Variants in DTD2 observed in about 807,000 individuals in gnomAD.
DTD2 encodes D-aminoacyl-tRNA deacylase 2.
In DTD2, 12 loss-of-function variants were observed where a neutral mutation model predicts 15.5. The observed-to-expected ratio is 0.77, with a 90% CI of 0.50 to 1.25. The LOEUF is 1.25. Ranked by LOEUF, DTD2 falls within the 50% of genes most tolerant of loss-of-function variation. The pLI, the probability that DTD2 is intolerant of heterozygous loss-of-function variation, is 0.00. For synonymous variants in DTD2, 59 were observed against 77.3 expected (o/e 0.76, Z 1.24); for missense variants, 170 against 201.1 (o/e 0.85, Z 0.93).
chr14:31,457,441 T>G lies in DTD2; in HGVS notation c.-48A>C, dbSNP rs2032112163. ...GGACAGTTACTAGGCCATGTGTCGC[T>G]GGCCCCTCCCTCGACGCGCTGGCGG... On this transcript the variant is annotated 5_prime_UTR_variant, in exon 1 of 3. Transcript: ENST00000310850. 2 of 1,353,572 alleles carry G rather than the reference T, an allele frequency of 1.5e-6. No homozygotes were observed. Among genetic ancestry groups the G allele is most frequent in the Non-Finnish European group, 9.7e-7 (1 of 1,027,184 alleles). 83.8% of individuals were successfully genotyped at this position (1,353,572 alleles called of 1,614,324 possible).
intron 2 of DTD2, among the ~76,000 whole-genome samples, chr14:31,451,471 C>G (rs1038790000): frequency 6.7e-6 from 1 of 148,870 alleles, no homozygotes; most frequent in Non-Finnish European, 1.5e-5. Flanking sequence ...CTTTTTTTTT[C>G]TTTCTTCTTC....
Position 31,446,170 on chromosome 14 carries a change from G to T in DTD2, c.*1959C>A, listed in dbSNP as rs917667714. ...TTCCAAAATAGAACAGTACAGGAAGGGTATAGAGAAAATAGGATTTTTCAT... is the reference window on the plus strand; with the variant it reads ...TTCCAAAATAGAACAGTACAGGAAGTGTATAGAGAAAATAGGATTTTTCAT... On this transcript the variant is annotated 3_prime_UTR_variant, in exon 3 of 3. Coordinates refer to ENST00000310850, the MANE Select transcript of DTD2 (RefSeq NM_080664.3). 8 of 151,972 alleles carry T rather than the reference G, an allele frequency of 5.3e-5. No homozygotes were observed. The highest frequency in any genetic ancestry group is 1.9e-4 in the African/African-American group (8 of 41,368). 9.4% of individuals were successfully genotyped at this position (151,972 alleles called of 1,614,324 possible).
Position 31,448,121 on chromosome 14 carries a change from T to G in DTD2, c.*8A>C, listed in dbSNP as rs1185279302. On this transcript the variant is annotated 3_prime_UTR_variant, in exon 3 of 3. Coordinates refer to ENST00000310850, the MANE Select transcript of DTD2 (RefSeq NM_080664.3). ...CAGAAAACAGCTATAGAAACTAGTT[T>G]TTCATTTTCAAAACTCAATTAAGTG... 6.3e-7 allele frequency: 1 copy of G among 1,582,402 alleles called. No individual in the cohort carries two copies. The highest frequency in any genetic ancestry group is 8.6e-7 in the Non-Finnish European group (1 of 1,165,266).
At chr14:31,448,678 C>G (rs1040799384) in intron 2 of DTD2, among the ~76,000 whole-genome samples, 1 of 152,144 alleles carries the variant, frequency 6.6e-6, no homozygotes. Flanking sequence ...TATTTTAAAT[C>G]TGAATTGGCA....
chr14:31,451,604 T>C (rs1307898845), intron 2 of DTD2, among the ~76,000 whole-genome samples: 1 of 152,226 alleles, frequency 6.6e-6, no homozygotes, highest in East Asian at 1.9e-4. Context: ...AGTCTGGTTT[T>C]CATCTTTTGA....
At position 31,448,408 on chromosome 14, in the gene DTD2, C is replaced by A. The variant is rs1229805790; in HGVS notation, c.228G>T (p.Lys76Asn). 3 of 1,613,736 alleles carry A rather than the reference C, an allele frequency of 1.9e-6. No homozygotes were observed. The highest frequency in any genetic ancestry group is 3.3e-4 in the Middle Eastern group (2 of 6,062). ...CAGGTAGATCCAATATAGAGACATG[C>A]TTGCCATTTTCTGTCTCACTTAATT... is the stretch of plus-strand genomic sequence containing the variant. The part of the protein sequence containing the change: ...NVKLSETENG[K>N]HVSILDLPGN... Residue 76 changes from lysine to asparagine, a missense_variant, in exon 3 of 3, where the codon AAG (lysine) becomes AAT (asparagine). Transcript: ENST00000310850.
intron 2 of DTD2, among the ~76,000 whole-genome samples, chr14:31,449,029 G>C (rs1427129483): frequency 3.9e-5 from 6 of 152,140 alleles, no homozygotes; most frequent in African/African-American, 1.4e-4. Flanking sequence ...AAGTAGCTGG[G>C]ACTACAGGTG....
In DTD2 at chr14:31,447,884, C is replaced by A; in HGVS notation, c.*245G>T. ...CCTTAATGACTATGAAGTGAATAGA[C>A]AGCATATTTCAAATTTTCAAGTAGA... On this transcript the variant is annotated 3_prime_UTR_variant, in exon 3 of 3. Coordinates refer to ENST00000310850, the MANE Select transcript of DTD2 (RefSeq NM_080664.3). 4.5e-6 allele frequency: 2 copies of A among 441,892 alleles called. No individual in the cohort carries two copies. The highest frequency in any genetic ancestry group is 4.2e-5 in the South Asian group (1 of 23,870). The allele number at this position is 441,892 out of a possible 1,614,324, so 27.4% of individuals were successfully genotyped here.
intron 2 of DTD2, among the ~76,000 whole-genome samples, chr14:31,450,300 A>G (rs1566796335): frequency 6.6e-6 from 1 of 152,222 alleles, no homozygotes; most frequent in Non-Finnish European, 1.5e-5. Context: ...AAACGAGACA[A>G]TGAATTAATG....
chr14:31,455,092 T>G (rs12891787), intron 1 of DTD2, among the ~76,000 whole-genome samples: 68,629 of 152,000 alleles, frequency 0.45, 15,774 homozygotes, highest in Non-Finnish European at 0.52. Flanking sequence ...TTTAAAATAG[T>G]TTTTAAGTTT....
chr14:31,450,053 G>A (rs1284971416), intron 2 of DTD2, among the ~76,000 whole-genome samples: 1 of 152,176 alleles, frequency 6.6e-6, no homozygotes, highest in African/African-American at 2.4e-5. Context: ...CTGCTTGTAA[G>A]GAAACTTTCC....
Position 31,447,902 on chromosome 14 carries a change from CA to C in DTD2, c.*226del, listed in dbSNP as rs2031980601. 2.1e-6 allele frequency: 1 copy of C among 471,856 alleles called. No homozygotes were observed. The highest frequency in any genetic ancestry group is 2.0e-5 in the African/African-American group (1 of 49,852). The allele number at this position is 471,856 out of a possible 1,614,324, so 29.2% of individuals were successfully genotyped here. ...GAATAGACAGCATATTTCAAATTTT[CA>C]AGTAGAAGGGTAGAGGAATGTAGGA... On this transcript the variant is annotated 3_prime_UTR_variant, in exon 3 of 3. Transcript: ENST00000310850.
chr14:31,456,793 C>G (rs1454196865), intron 1 of DTD2, among the ~76,000 whole-genome samples: 1 of 152,066 alleles, frequency 6.6e-6, no homozygotes, highest in East Asian at 1.9e-4. Flanking sequence ...GGAAATTGGT[C>G]AAAACTTTTA....
intron 2 of DTD2, among the ~76,000 whole-genome samples, chr14:31,451,433 C>A (rs2032032849): frequency 6.7e-6 from 1 of 149,290 alleles, no homozygotes; most frequent in Non-Finnish European, 1.5e-5. Flanking sequence ...CAGGCGTGAG[C>A]CACCGCGCCT....
In DTD2 at chr14:31,448,016, T is replaced by G; in HGVS notation, c.*113A>C. On this transcript the variant is annotated 3_prime_UTR_variant, in exon 3 of 3. Transcript: ENST00000310850. ...GAGTTATATATGAAACCCAAGATTTTCCTGTCTAAAAATGCTGAAGATTAG... is the reference window on the plus strand; with the variant it reads ...GAGTTATATATGAAACCCAAGATTTGCCTGTCTAAAAATGCTGAAGATTAG... 1.1e-6 allele frequency: 1 copy of G among 946,190 alleles called. No individual in the cohort carries two copies. The highest frequency in any genetic ancestry group is 1.7e-5 in the African/African-American group (1 of 60,192). 58.6% of individuals were successfully genotyped at this position (946,190 alleles called of 1,614,324 possible).
chr14:31,450,064 A>T (rs1343469899), intron 2 of DTD2, among the ~76,000 whole-genome samples: 1 of 152,222 alleles, frequency 6.6e-6, no homozygotes, highest in Non-Finnish European at 1.5e-5. Flanking sequence ...GAAACTTTCC[A>T]GGGCACTTCA....
rs879823635 is a variant in DTD2 at position 31,447,694 on chromosome 14, G to A, written c.*435C>T. 4.5e-5 allele frequency: 7 copies of A among 154,446 alleles called. No homozygotes were observed. In the East Asian group the frequency reaches 1.1e-3, roughly 25 times the overall value. The allele number at this position is 154,446 out of a possible 1,614,324, so 9.6% of individuals were successfully genotyped here. On this transcript the variant is annotated 3_prime_UTR_variant, in exon 3 of 3. Transcript: ENST00000310850. ...AAATTAGCTGGGCATGGTGGCATGC[G>A]CCTGTAATCCCAGCTACTTGGGAGG...
chr14:31,450,341 G>C (rs2139360824), intron 2 of DTD2, among the ~76,000 whole-genome samples: 1 of 152,266 alleles, frequency 6.6e-6, no homozygotes, highest in South Asian at 2.1e-4. Flanking sequence ...TCCTAAAACA[G>C]GTTATCAATC....
At chr14:31,451,747 C>CA (rs1172012801) in intron 2 of DTD2, among the ~76,000 whole-genome samples, 1 of 152,164 alleles carries the variant, frequency 6.6e-6, no homozygotes, top group African/African-American at 2.4e-5. Context: ...TTCAACTGCC[C>CA]ATTTGTATAA....
Sources: gnomAD v4.1 joint callset for allele counts (sites outside exome capture counted in the v4.1 genomes callset) on GRCh38, gnomAD v4.1.1 for gene constraint, MANE v1.5 for transcripts, NCBI Gene and HGNC (gene_info 2026-07-23, HGNC 2026-07-21) for gene names.